NELL1: variants seen among roughly 807,000 people sequenced by gnomAD.
The protein encoded by NELL1 is neural EGFL like 1.
In NELL1, 76 loss-of-function variants were observed where a neutral mutation model predicts 107.4. The observed-to-expected ratio is 0.71, with a 90% confidence interval of 0.59 to 0.86. NELL1 has a LOEUF of 0.86. Ranked by LOEUF, NELL1 falls within the 40% of genes least tolerant of loss-of-function variation. The probability of loss-of-function intolerance (pLI) is 0.00; values close to 1 mark genes in which losing one functional copy is unlikely to be tolerated. For missense variants in NELL1, 1,024 were observed against 1,005.5 expected (o/e 1.02, Z -0.25); for synonymous variants, 353 against 341.2 (o/e 1.03, Z -0.38).
intron 12 of NELL1, among the ~76,000 whole-genome samples, chr11:20,971,427 T>C (rs991797703): frequency 1.2e-4 from 19 of 152,160 alleles, no homozygotes; most frequent in African/African-American, 2.4e-4. Context: ...TAAATGGAAA[T>C]AGAAATGTAG....
chr11:21,310,174 G>T (rs963811787), intron 14 of NELL1, among the ~76,000 whole-genome samples: 1 of 152,004 alleles, frequency 6.6e-6, no homozygotes, highest in South Asian at 2.1e-4. Flanking sequence ...TACTTGTTAA[G>T]CCTATGTAGA....
intron 14 of NELL1, among the ~76,000 whole-genome samples, chr11:21,339,829 T>C (rs569014608): frequency 3.9e-5 from 6 of 152,280 alleles, no homozygotes; most frequent in African/African-American, 1.4e-4. Flanking sequence ...GCAGTTTCCA[T>C]GTCCAAGTCC....
intron 12 of NELL1, among the ~76,000 whole-genome samples, chr11:21,097,358 G>A (rs1228161875): frequency 3.3e-5 from 5 of 152,302 alleles, no homozygotes; most frequent in South Asian, 2.1e-4. Context: ...CTGCAGAAGG[G>A]TGCCACTCGC....
chr11:20,949,208 A>G (rs1370925468), intron 11 of NELL1, among the ~76,000 whole-genome samples: 1 of 152,154 alleles, frequency 6.6e-6, no homozygotes, highest in Non-Finnish European at 1.5e-5. Context: ...AAAATGTTGT[A>G]TGTTTCACCA....
At chr11:21,227,493 A>G (rs1857925477) in intron 13 of NELL1, among the ~76,000 whole-genome samples, 1 of 152,194 alleles carries the variant, frequency 6.6e-6, no homozygotes, top group Admixed American at 6.5e-5. Flanking sequence ...GAACATAATA[A>G]TTATTTATTA....
intron 15 of NELL1, among the ~76,000 whole-genome samples, chr11:21,501,548 T>A (rs1046444873): frequency 6.6e-6 from 1 of 152,140 alleles, no homozygotes; most frequent in African/African-American, 2.4e-5. Context: ...ATTATTTGAG[T>A]CATCAACAAT....
intron 12 of NELL1, among the ~76,000 whole-genome samples, chr11:21,108,535 A>G (rs1474132811): frequency 6.6e-6 from 1 of 152,294 alleles, no homozygotes; most frequent in South Asian, 2.1e-4. Flanking sequence ...AAGAATTGCA[A>G]TTTAAGCCCC....
chr11:20,837,278 A>G (rs79913046), intron 3 of NELL1, among the ~76,000 whole-genome samples: 3,525 of 152,284 alleles, frequency 0.023, 127 homozygotes, highest in African/African-American at 0.081. Context: ...GATAAGCATG[A>G]GACAGAGACT....
chr11:20,839,336 A>C (rs1590339783), intron 3 of NELL1, among the ~76,000 whole-genome samples: 2 of 152,178 alleles, frequency 1.3e-5, no homozygotes, highest in South Asian at 4.1e-4. Flanking sequence ...ATCTCTTGCT[A>C]TATGTTTGCT....
chr11:20,807,560 G>A (rs925873013), intron 3 of NELL1, among the ~76,000 whole-genome samples: 11 of 152,190 alleles, frequency 7.2e-5, no homozygotes, highest in Admixed American at 6.5e-5. Context: ...TGCTGCCTAT[G>A]TTTGCTGAAG....
chr11:20,769,775 G>A (rs1486435560), intron 2 of NELL1, among the ~76,000 whole-genome samples: 1 of 152,136 alleles, frequency 6.6e-6, no homozygotes, highest in Non-Finnish European at 1.5e-5. Flanking sequence ...CCCCCCACTT[G>A]TGCCTGGCTG....
At chr11:20,988,781 G>A (rs11025866) in intron 12 of NELL1, among the ~76,000 whole-genome samples, 18,639 of 151,528 alleles carry the variant, frequency 0.12, 1,569 homozygotes, top group East Asian at 0.25. Context: ...TAGAGATGGG[G>A]TTTCACCATG....
chr11:21,090,681 T>G (rs1330436565), intron 12 of NELL1, among the ~76,000 whole-genome samples: 1 of 152,208 alleles, frequency 6.6e-6, no homozygotes, highest in African/African-American at 2.4e-5. Context: ...CACTTATTTT[T>G]ATGTGGATCT....
intron 15 of NELL1, among the ~76,000 whole-genome samples, chr11:21,388,729 A>T (rs1851800552): frequency 2.6e-5 from 4 of 151,876 alleles, no homozygotes. Flanking sequence ...AACAGGGATG[A>T]ATAATTATGC....
chr11:21,158,832 TA>T (rs1306821847), intron 13 of NELL1, among the ~76,000 whole-genome samples: 1 of 152,200 alleles, frequency 6.6e-6, no homozygotes, highest in Non-Finnish European at 1.5e-5. Context: ...ACCTTTCTGT[TA>T]TTTTTTTTCT....
Position 20,829,223 on chromosome 11 carries a change from A to ATTTT in NELL1, c.336-18342_336-18339dup, listed in dbSNP as rs758970966. On this transcript the variant is annotated intron_variant, in intron 3 of 19. Coordinates refer to ENST00000357134, the MANE Select transcript of NELL1 (RefSeq NM_006157.5). ...AGGAAATTGACCTTGCTGCAGGACT[A>ATTTT]TTTTTTTTTTTTTTTTTTTTTGAGA... 2.0e-3 allele frequency among the ~76,000 whole-genome samples: 232 copies of ATTTT among 118,874 alleles called. 5 individuals carry two copies. Among genetic ancestry groups the ATTTT allele is most frequent in the African/African-American group, 7.3e-3 (222 of 30,464 alleles). 78.0% of individuals were successfully genotyped at this position (118,874 alleles called of 152,430 possible).
chr11:21,351,520 A>G (rs930857923), intron 14 of NELL1, among the ~76,000 whole-genome samples: 1 of 146,048 alleles, frequency 6.8e-6, no homozygotes, highest in Non-Finnish European at 1.5e-5. Context: ...TATTATTTCC[A>G]GTAAAAAAAA....
Position 21,381,904 on chromosome 11 carries a change from A to ATTTT in NELL1, c.1645+10983_1645+10986dup, listed in dbSNP as rs149327802. Among the ~76,000 whole-genome samples, 57 of 91,356 alleles carry ATTTT rather than the reference A, an allele frequency of 6.2e-4. 1 individual carries two copies. Among genetic ancestry groups the ATTTT allele is most frequent in the African/African-American group, 2.3e-3 (52 of 22,458 alleles). 59.9% of individuals were successfully genotyped at this position (91,356 alleles called of 152,430 possible). A position where few individuals can be genotyped will look rare whatever the true frequency, so the allele number is the denominator to read the frequency against. On this transcript the variant is annotated intron_variant, in intron 15 of 19. Coordinates refer to ENST00000357134, the MANE Select transcript of NELL1 (RefSeq NM_006157.5). Reference sequence around the variant, plus strand: ...AACTTGGGTATGGTCCCTGGAAGGGATTTTTTTTTTTTTTTTTTTTTTTTT... The same window carrying ATTTT: ...AACTTGGGTATGGTCCCTGGAAGGGATTTTTTTTTTTTTTTTTTTTTTTTTTTTT...
In NELL1 at chr11:21,575,303, A is replaced by T. The variant is rs1271762549; in HGVS notation, c.*281A>T. 3 of 337,738 alleles carry T rather than the reference A, an allele frequency of 8.9e-6. No homozygotes were observed. The East Asian group carries it at 1.4e-4, about 16-fold the overall frequency. 20.9% of individuals were successfully genotyped at this position (337,738 alleles called of 1,614,324 possible). A position where few individuals can be genotyped will look rare whatever the true frequency, so the allele number is the denominator to read the frequency against. Reference sequence around the variant, plus strand: ...TTGTAAATCATGTTTCCCTTATCAGATCATTTGCAAATACATTTAAATGAT... The same window carrying T: ...TTGTAAATCATGTTTCCCTTATCAGTTCATTTGCAAATACATTTAAATGAT... On this transcript the variant is annotated 3_prime_UTR_variant, in exon 20 of 20. Coordinates refer to ENST00000357134, the MANE Select transcript of NELL1 (RefSeq NM_006157.5).
Sources: allele counts gnomAD v4.1 joint callset (sites outside exome capture counted in the v4.1 genomes callset), GRCh38; gene constraint gnomAD v4.1.1; transcripts MANE v1.5; gene names NCBI Gene and HGNC (gene_info 2026-07-23, HGNC 2026-07-21).